Variants in ACVR1 observed in about 807,000 individuals in gnomAD.
The protein encoded by ACVR1 is activin receptor type-1.
In ACVR1, 38 loss-of-function variants were observed where a neutral mutation model predicts 57.1. That is an observed-to-expected ratio of 0.67 (90% confidence interval 0.51 to 0.87). ACVR1 has a LOEUF of 0.87. ACVR1 is among the 40% of genes least tolerant of loss of function. The pLI is 0.00. For synonymous variants in ACVR1, 212 were observed against 228.1 expected, an observed-to-expected ratio of 0.93 and a Z score of 0.63; for missense variants, 463 against 638.2, an observed-to-expected ratio of 0.73 and a Z score of 2.96.
In ACVR1 at chr2:157,841,971, G is replaced by C. The variant is rs1688994814; in HGVS notation, c.-182-23412C>G. ...GAACCCGGGAGGCAGAGCTTGCAGT[G>C]AGCCCAGATCGTGCCACTGCACTCC... On this transcript the variant is annotated intron_variant, in intron 1 of 10. Transcript: ENST00000434821. Among the ~76,000 whole-genome samples, 3 of 145,576 alleles carry C rather than the reference G, an allele frequency of 2.1e-5. No homozygotes were observed. The South Asian group carries it at 6.5e-4, about 32-fold the overall frequency.
chr2:157,745,809 G>A (rs913728314), intron 9 of ACVR1, among the ~76,000 whole-genome samples: 3 of 152,162 alleles, frequency 2.0e-5, no homozygotes, highest in South Asian at 2.1e-4. Flanking sequence ...ACAAAAATAG[G>A]AGTTGTCATG....
intron 1 of ACVR1, among the ~76,000 whole-genome samples, chr2:157,855,074 C>A (rs188037459): frequency 6.6e-6 from 1 of 151,808 alleles, no homozygotes; most frequent in African/African-American, 2.4e-5. Flanking sequence ...ACCTTACACT[C>A]TCCCAATGTT....
chr2:157,784,990 C>T (rs1369621974), intron 3 of ACVR1, among the ~76,000 whole-genome samples: 2 of 152,344 alleles, frequency 1.3e-5, no homozygotes, highest in East Asian at 1.9e-4. Context: ...TACCTATTCA[C>T]GCCTGCCCAG....
At chr2:157,784,159 C>G (rs1167912893) in intron 3 of ACVR1, among the ~76,000 whole-genome samples, 1 of 152,106 alleles carries the variant, frequency 6.6e-6, no homozygotes, top group Non-Finnish European at 1.5e-5. Flanking sequence ...ATAAGCATAA[C>G]ATGTGTGGGC....
In ACVR1 at chr2:157,839,291, A is replaced by C. The variant is rs1001335626; in HGVS notation, c.-182-20732T>G. Among the ~76,000 whole-genome samples the C allele has an allele frequency of 5.9e-5, 9 of 152,308 alleles. No homozygotes were observed. In the South Asian group the frequency reaches 1.9e-3, roughly 32 times the overall value. ...TTCTATTGTCCCACCCTGCAGGGCC[A>C]GCTGTTTCTGACAGCCAAATTGCTG... On this transcript the variant is annotated intron_variant, in intron 1 of 10. Transcript: ENST00000434821.
chr2:157,832,731 A>G (rs1688630279), intron 1 of ACVR1, among the ~76,000 whole-genome samples: 1 of 152,192 alleles, frequency 6.6e-6, no homozygotes, highest in Admixed American at 6.5e-5. Context: ...TTCATTTTTT[A>G]TAGATTAATT....
At chr2:157,782,520 T>C (rs13021202) in intron 3 of ACVR1, among the ~76,000 whole-genome samples, 122,961 of 152,204 alleles carry the variant, frequency 0.81, 49,835 homozygotes, top group East Asian at 0.93. Flanking sequence ...TCTATGAGGA[T>C]GAGAAACATG....
chr2:157,774,791 G>A (rs1388109062), intron 5 of ACVR1, among the ~76,000 whole-genome samples: 1 of 152,178 alleles, frequency 6.6e-6, no homozygotes, highest in African/African-American at 2.4e-5. Flanking sequence ...AATGAAAGAA[G>A]CTGAGCAGAC....
chr2:157,848,194 C>G lies in ACVR1; in HGVS notation c.-183+27602G>C, dbSNP rs547163924. On this transcript the variant is annotated intron_variant, in intron 1 of 10. Transcript: ENST00000434821. ...TCTCATCAAGAGGTGGGATCTATAT[C>G]TCCTTCTCTTTAACGGGGCTCTGTG... is the stretch of plus-strand genomic sequence containing the variant. Among the ~76,000 whole-genome samples the G allele has an allele frequency of 2.0e-5, 3 of 152,266 alleles. No individual in the cohort carries two copies. The East Asian group carries it at 5.8e-4, about 29-fold the overall frequency.
At chr2:157,867,461 CG>C (rs771026954) in intron 1 of ACVR1, among the ~76,000 whole-genome samples, 24 of 152,126 alleles carry the variant, frequency 1.6e-4, no homozygotes, top group Non-Finnish European at 2.8e-4. Flanking sequence ...CAACTAACAC[CG>C]AGCCTCAGTG....
chr2:157,875,868 C>CGCGGCGCGGGGCGGCGCGGGGCGGG lies in ACVR1; in HGVS notation c.-280_-256dup, dbSNP rs1690273351. The CGCGGCGCGGGGCGGCGCGGGGCGGG allele has an allele frequency of 6.8e-6, 1 of 147,832 alleles. No homozygotes were observed. The highest frequency in any genetic ancestry group is 6.8e-5 in the Admixed American group (1 of 14,776). 9.2% of individuals were successfully genotyped at this position (147,832 alleles called of 1,614,324 possible). On this transcript the variant is annotated 5_prime_UTR_variant, in exon 1 of 11. Transcript: ENST00000434821. ...GAGGCAGCCGGGCGCTGCAGGTCGG[C>CGCGGCGCGGGGCGGCGCGGGGCGGG]GCGGCGCGGGGCGGCGCGGGGCGGG...
At chr2:157,755,214 C>T (rs543896989) in intron 9 of ACVR1, among the ~76,000 whole-genome samples, 2 of 152,128 alleles carry the variant, frequency 1.3e-5, no homozygotes, top group South Asian at 4.2e-4. Context: ...ATAAGGATGT[C>T]CACTCTCACC....
intron 1 of ACVR1, among the ~76,000 whole-genome samples, chr2:157,844,060 C>T (rs1689055144): frequency 6.6e-6 from 1 of 152,234 alleles, no homozygotes; most frequent in Non-Finnish European, 1.5e-5. Context: ...AGCAGCTGTG[C>T]TTACAGGGCA....
chr2:157,835,622 T>C (rs760449441), intron 1 of ACVR1, among the ~76,000 whole-genome samples: 1 of 152,222 alleles, frequency 6.6e-6, no homozygotes, highest in Non-Finnish European at 1.5e-5. Context: ...GAGAGTATTG[T>C]GCTGAATCAG....
At chr2:157,767,083 G>A (rs940928888) in intron 7 of ACVR1, among the ~76,000 whole-genome samples, 1 of 152,042 alleles carries the variant, frequency 6.6e-6, no homozygotes, top group Non-Finnish European at 1.5e-5. Flanking sequence ...CCAGGCTGGA[G>A]TGCAATGGCG....
chr2:157,768,433 T>C (rs1234631598), intron 7 of ACVR1, among the ~76,000 whole-genome samples: 1 of 152,196 alleles, frequency 6.6e-6, no homozygotes, highest in Non-Finnish European at 1.5e-5. Flanking sequence ...CTGTTATATA[T>C]CTGTGTAGCC....
chr2:157,799,384 C>G, intron 3 of ACVR1, 43 bp downstream of exon 3: 1 of 1,237,440 alleles, frequency 8.1e-7, no homozygotes, highest in South Asian at 1.3e-5. Flanking sequence ...AAAAAAAAAT[C>G]ACAGTATACT....
intron 8 of ACVR1, among the ~76,000 whole-genome samples, chr2:157,762,186 T>A (rs1685684469): frequency 6.6e-6 from 1 of 152,180 alleles, no homozygotes; most frequent in African/African-American, 2.4e-5. Flanking sequence ...CCCCCACTTA[T>A]CCTTCAGTTA....
At chr2:157,853,306 T>A (rs934121479) in intron 1 of ACVR1, among the ~76,000 whole-genome samples, 3 of 152,170 alleles carry the variant, frequency 2.0e-5, no homozygotes, top group East Asian at 3.9e-4. Flanking sequence ...CAGGTTCTAG[T>A]GAGGGTCCTC....
Sources: allele counts gnomAD v4.1 joint callset (sites outside exome capture counted in the v4.1 genomes callset), GRCh38; gene constraint gnomAD v4.1.1; transcripts MANE v1.5; gene names NCBI Gene and HGNC (gene_info 2026-07-23, HGNC 2026-07-21).